Variants in ANK2 observed in about 807,000 individuals in gnomAD.
The protein encoded by ANK2 is ankyrin-2.
A neutral mutation model predicts 360.5 loss-of-function variants in ANK2; 83 were observed. The ratio of observed to expected loss-of-function variants is 0.23; its 90% CI spans 0.19 to 0.28. The LOEUF (loss-of-function observed/expected upper bound fraction) is 0.28, where lower values mean the gene tolerates loss of function less well. Ranked by LOEUF, ANK2 falls within the 10% of genes least tolerant of loss-of-function variation. The pLI is 1.00. For missense variants in ANK2, 4,201 were observed against 4,795.7 expected, an observed-to-expected ratio of 0.88 and a Z score of 3.66; for synonymous variants, 1,740 against 1,759.5, an observed-to-expected ratio of 0.99 and a Z score of 0.28.
At chr4:113,217,749 A>C (rs2099102622) in intron 4 of ANK2, among the ~76,000 whole-genome samples, 1 of 152,016 alleles carries the variant, frequency 6.6e-6, no homozygotes, top group Non-Finnish European at 1.5e-5. Flanking sequence ...TGTGCGGCCC[A>C]GTTTCAGTAC....
chr4:112,883,559 A>G lies in ANK2; in HGVS notation c.-39-20896A>G, dbSNP rs142063276. 7.9e-3 allele frequency among the ~76,000 whole-genome samples: 1,206 copies of G among 152,274 alleles called. 11 individuals are homozygous for G. The highest frequency in any genetic ancestry group is 0.027 in the African/African-American group (1,119 of 41,548). ...GAATCAGGGTGGGCCAGAAAACTGT[A>G]ACGAGATTAGAAAGAAATTCATCGA... On this transcript the variant is annotated intron_variant, in intron 1 of 30. Transcript: ENST00000503271.
At chr4:113,200,242 A>G (rs553073502) in intron 4 of ANK2, among the ~76,000 whole-genome samples, 1 of 152,212 alleles carries the variant, frequency 6.6e-6, no homozygotes, top group Non-Finnish European at 1.5e-5. Flanking sequence ...ATAATTTGGT[A>G]CCATCTGTAA....
At chr4:112,811,457 A>G in the ANK2 span, among the ~76,000 whole-genome samples, 3 of 152,168 alleles carry the variant, frequency 2.0e-5, no homozygotes, top group African/African-American at 7.2e-5. Flanking sequence ...GAGTTGTACA[A>G]TACTTAGTTG....
intron 1 of ANK2, among the ~76,000 whole-genome samples, chr4:113,085,517 T>C (rs2084238127): frequency 6.6e-6 from 1 of 151,818 alleles, no homozygotes; most frequent in Non-Finnish European, 1.5e-5. Context: ...CTGTGTTAGC[T>C]AGGATGGTCT....
chr4:112,849,089 G>C (rs757705265), intron 1 of ANK2, among the ~76,000 whole-genome samples: 1 of 152,226 alleles, frequency 6.6e-6, no homozygotes, highest in Non-Finnish European at 1.5e-5. Flanking sequence ...AGGAGCATCT[G>C]TATGGAGGCC....
At position 113,355,348 on chromosome 4, in the gene ANK2, C is replaced by A. The variant is rs368545726; in HGVS notation, c.6730C>A (p.Pro2244Thr). The part of the protein sequence containing the change: ...EGLAETPETS[P>T]ESLSFSPKKS... ...CCTAGCAGAGACCCCTGAGACGAGCCCAGAAAGCCTTTCTTTCTCACCAAA... is the reference window on the plus strand; with the variant it reads ...CCTAGCAGAGACCCCTGAGACGAGCACAGAAAGCCTTTCTTTCTCACCAAA... The change falls in exon 38 of 46, where the codon CCA becomes ACA. Residue 2244 changes from proline to threonine, a missense_variant. Pro to Thr is a conservative substitution (Grantham distance 38). Transcript: ENST00000357077. The A allele has an allele frequency of 5.0e-6, 8 of 1,613,776 alleles. No homozygotes were observed. Among genetic ancestry groups the A allele is most frequent in the Non-Finnish European group, 4.2e-6 (5 of 1,179,966 alleles).
intron 2 of ANK2, among the ~76,000 whole-genome samples, chr4:113,037,598 G>A (rs552655037): frequency 1.3e-5 from 2 of 152,020 alleles, no homozygotes; most frequent in South Asian, 4.2e-4. Context: ...GTTTTTTTGT[G>A]TAGGACTTGA....
chr4:112,863,668 G>GC (rs1416440414), intron 1 of ANK2, among the ~76,000 whole-genome samples: 1 of 151,786 alleles, frequency 6.6e-6, no homozygotes, highest in Non-Finnish European at 1.5e-5. Context: ...GACTGCAGGC[G>GC]CCAGCCACCA....
chr4:113,093,131 A>C (rs988942509), intron 1 of ANK2, among the ~76,000 whole-genome samples: 1 of 152,210 alleles, frequency 6.6e-6, no homozygotes, highest in Non-Finnish European at 1.5e-5. Flanking sequence ...TAGAACTGGC[A>C]GTAACCAATT....
chr4:112,972,937 T>A (rs1336738825), intron 2 of ANK2, among the ~76,000 whole-genome samples: 1 of 152,098 alleles, frequency 6.6e-6, no homozygotes. Context: ...CCAAATAGTG[T>A]ATGTTCTCAC....
At chr4:113,260,581 ACT>A (rs1284571212) in intron 13 of ANK2, among the ~76,000 whole-genome samples, 2 of 152,102 alleles carry the variant, frequency 1.3e-5, no homozygotes, top group African/African-American at 4.8e-5. Flanking sequence ...AAAATATAGG[ACT>A]CTCAGTTAAA....
intron 14 of ANK2, among the ~76,000 whole-genome samples, chr4:113,271,016 A>G (rs2058282088): frequency 6.6e-6 from 1 of 152,220 alleles, no homozygotes; most frequent in African/African-American, 2.4e-5. Context: ...CCTGTGTTGT[A>G]GGGTGGCTTA....
chr4:113,251,370 G>A (rs895499996), intron 10 of ANK2, among the ~76,000 whole-genome samples: 1 of 148,866 alleles, frequency 6.7e-6, no homozygotes, highest in African/African-American at 2.5e-5. Flanking sequence ...GTACAATTAT[G>A]TTCATGTATT....
chr4:113,257,927 A>G, intron 11 of ANK2, 123 bp from the exon 12 acceptor site: 1 of 972,964 alleles, frequency 1.0e-6, no homozygotes, highest in Non-Finnish European at 1.6e-6. Context: ...CAACACCTGC[A>G]GGGATTGAAG....
At chr4:113,258,271 ACCGGT>A in intron 12 of ANK2, 37 bp from the exon 13 acceptor site, 2 of 1,601,970 alleles carry the variant, frequency 1.2e-6, no homozygotes, top group Non-Finnish European at 1.7e-6. Context: ...CCAAAGCCCC[ACCGGT>A]GCAGAGGAGT....
intron 2 of ANK2, among the ~76,000 whole-genome samples, chr4:113,044,240 G>A (rs912983775): frequency 2.0e-5 from 3 of 152,106 alleles, no homozygotes; most frequent in Non-Finnish European, 4.4e-5. Flanking sequence ...TAATAAAAAA[G>A]GGAATAAGAA....
At chr4:113,163,903 A>G (rs1415908991) in intron 1 of ANK2, among the ~76,000 whole-genome samples, 1 of 152,134 alleles carries the variant, frequency 6.6e-6, no homozygotes, top group East Asian at 1.9e-4. Flanking sequence ...CAACACCACA[A>G]TAAATTTCAG....
intron 1 of ANK2, among the ~76,000 whole-genome samples, chr4:113,074,793 A>G (rs2079176743): frequency 6.6e-6 from 1 of 152,210 alleles, no homozygotes. Context: ...ATTGATTGCT[A>G]TTATAAAGCA....
intron 14 of ANK2, among the ~76,000 whole-genome samples, chr4:113,271,521 C>G (rs1299133216): frequency 2.0e-5 from 3 of 151,634 alleles, no homozygotes; most frequent in Non-Finnish European, 2.9e-5. Context: ...AACTTCCTCT[C>G]TAAACCTAAT....
Sources: gnomAD v4.1 joint callset for allele counts (sites outside exome capture counted in the v4.1 genomes callset) on GRCh38, gnomAD v4.1.1 for gene constraint, MANE v1.5 for transcripts, NCBI Gene and HGNC (gene_info 2026-07-23, HGNC 2026-07-21) for gene names.